NRXN1: variants seen among roughly 807,000 people sequenced by gnomAD.
NRXN1 encodes the protein neurexin 1.
A neutral mutation model predicts 150.9 loss-of-function variants in NRXN1; 39 were observed. The ratio of observed to expected loss-of-function variants is 0.26; its 90% confidence interval spans 0.20 to 0.34. The LOEUF (loss-of-function observed/expected upper bound fraction) is 0.34. NRXN1 is among the 10% of genes least tolerant of loss of function. The probability of loss-of-function intolerance (pLI) is 1.00; values close to 1 mark genes in which losing one functional copy is unlikely to be tolerated. For missense variants in NRXN1, 1,815 were observed against 1,949.9 expected, an observed-to-expected ratio of 0.93 and a Z score of 1.30; for synonymous variants, 924 against 757.0, an observed-to-expected ratio of 1.22 and a Z score of -3.62.
At chr2:50,565,416 G>T (rs920391059) in intron 8 of NRXN1, among the ~76,000 whole-genome samples, 1 of 151,792 alleles carries the variant, frequency 6.6e-6, no homozygotes, top group African/African-American at 2.4e-5. Flanking sequence ...ATTTTTAAAT[G>T]ACCATAGCAG....
At chr2:50,496,794 T>C (rs2091656113) in intron 14 of NRXN1, among the ~76,000 whole-genome samples, 1 of 152,186 alleles carries the variant, frequency 6.6e-6, no homozygotes, top group African/African-American at 2.4e-5. Context: ...TACACCAATA[T>C]TTGCAGAATG....
intron 5 of NRXN1, among the ~76,000 whole-genome samples, chr2:50,906,985 T>A (rs533604135): frequency 3.3e-5 from 5 of 152,032 alleles, no homozygotes; most frequent in African/African-American, 1.2e-4. Context: ...CTCACACCCC[T>A]CTTTCTCCCC....
chr2:50,789,162 C>T (rs1705579604), intron 5 of NRXN1, among the ~76,000 whole-genome samples: 1 of 152,166 alleles, frequency 6.6e-6, no homozygotes, highest in Admixed American at 6.5e-5. Context: ...CATATTTCTA[C>T]TATATGCATA....
intron 17 of NRXN1, among the ~76,000 whole-genome samples, chr2:50,242,656 GAAGT>G (rs1278679463): frequency 2.0e-4 from 30 of 151,654 alleles, no homozygotes; most frequent in African/African-American, 5.6e-4. Flanking sequence ...CTAATATTGA[GAAGT>G]AAGGCACAGC....
intron 19 of NRXN1, among the ~76,000 whole-genome samples, chr2:50,064,256 A>G (rs1364636890): frequency 1.3e-5 from 2 of 151,736 alleles, no homozygotes; most frequent in Non-Finnish European, 2.9e-5. Flanking sequence ...ATATAAAATG[A>G]CTCAGTAACT....
chr2:50,121,024 G>GT lies in NRXN1; in HGVS notation c.3547-29531dup, dbSNP rs1703779842. ...TTTAAGCACTTTAGTTATCTCGTCTGTTTTTTTGTTTATTTTTTGAGACCG... is the reference window on the plus strand; with the variant it reads ...TTTAAGCACTTTAGTTATCTCGTCTGTTTTTTTTGTTTATTTTTTGAGACCG... On this transcript the variant is annotated intron_variant, in intron 18 of 22. Coordinates refer to ENST00000401669, the MANE Select transcript of NRXN1 (RefSeq NM_001330078.2). Among the ~76,000 whole-genome samples, 5 of 152,180 alleles carry GT rather than the reference G, an allele frequency of 3.3e-5. No homozygotes were observed. The South Asian group carries it at 6.2e-4, about 19-fold the overall frequency.
chr2:50,167,812 A>C (rs2059778920), intron 18 of NRXN1, among the ~76,000 whole-genome samples: 2 of 152,154 alleles, frequency 1.3e-5, no homozygotes, highest in Admixed American at 6.6e-5. Flanking sequence ...TGATAATTTC[A>C]AGAGCTCCCA....
At chr2:50,529,830 A>G (rs1221065753) in intron 11 of NRXN1, among the ~76,000 whole-genome samples, 2 of 152,206 alleles carry the variant, frequency 1.3e-5, no homozygotes, top group East Asian at 3.8e-4. Context: ...CTAACAGAAC[A>G]GTAAAGGAGA....
chr2:50,722,568 T>C (rs904601111), intron 5 of NRXN1, among the ~76,000 whole-genome samples: 3 of 152,116 alleles, frequency 2.0e-5, no homozygotes, highest in African/African-American at 4.8e-5. Context: ...TAAAAATATA[T>C]TGGAAGAGTG....
At chr2:50,867,393 T>C (rs891880894) in intron 5 of NRXN1, among the ~76,000 whole-genome samples, 2 of 151,816 alleles carry the variant, frequency 1.3e-5, no homozygotes, top group Admixed American at 6.6e-5. Flanking sequence ...GTTAGTTCAC[T>C]ACAGGGAAAT....
chr2:50,342,062 C>T (rs1006254799), intron 17 of NRXN1, among the ~76,000 whole-genome samples: 4 of 152,190 alleles, frequency 2.6e-5, no homozygotes, highest in Non-Finnish European at 5.9e-5. Context: ...CCAACCTCAA[C>T]TCTACTCTCA....
intron 17 of NRXN1, among the ~76,000 whole-genome samples, chr2:50,370,899 C>G (rs1442156832): frequency 2.6e-5 from 4 of 151,980 alleles, no homozygotes; most frequent in Admixed American, 6.6e-5. Flanking sequence ...TTACTAAAGA[C>G]AGTCTTGTGT....
intron 12 of NRXN1, among the ~76,000 whole-genome samples, chr2:50,524,513 AAAT>A (rs758171621): frequency 1.3e-4 from 18 of 141,048 alleles, no homozygotes; most frequent in Non-Finnish European, 2.2e-4. Context: ...ATAAATAAAT[AAAT>A]AAATAAAATA....
intron 17 of NRXN1, among the ~76,000 whole-genome samples, chr2:50,243,374 G>A (rs1305233136): frequency 6.6e-6 from 1 of 151,630 alleles, no homozygotes; most frequent in East Asian, 1.9e-4. Context: ...CAAATTGTAT[G>A]TTCTGTCAAA....
chr2:50,589,851 G>A (rs1673827725), intron 8 of NRXN1, among the ~76,000 whole-genome samples: 2 of 152,154 alleles, frequency 1.3e-5, no homozygotes, highest in South Asian at 2.1e-4. Flanking sequence ...ATAGAAGGGA[G>A]GGATCTAACT....
intron 19 of NRXN1, among the ~76,000 whole-genome samples, chr2:50,062,177 T>A (rs1694646115): frequency 6.6e-6 from 1 of 152,184 alleles, no homozygotes; most frequent in Admixed American, 6.5e-5. Context: ...AGACTGAATG[T>A]TTGTATCTCC....
At chr2:50,477,998 T>C (rs758061190) in intron 15 of NRXN1, among the ~76,000 whole-genome samples, 45 of 152,156 alleles carry the variant, frequency 3.0e-4, no homozygotes, top group Non-Finnish European at 2.6e-4. Context: ...AAGGGTGCCT[T>C]TCGGGGAACA....
intron 1 of NRXN1, among the ~76,000 whole-genome samples, chr2:51,031,251 CA>C (rs1024049972): frequency 6.6e-6 from 1 of 152,006 alleles, no homozygotes; most frequent in East Asian, 1.9e-4. Flanking sequence ...TTACTGCAGC[CA>C]AAAGAAGAAG....
chr2:49,964,282 A>C (rs1274863668), intron 21 of NRXN1, among the ~76,000 whole-genome samples: 1 of 152,140 alleles, frequency 6.6e-6, no homozygotes, highest in Non-Finnish European at 1.5e-5. Flanking sequence ...CATAATCACT[A>C]CATCTTCCAT....
Sources: allele counts gnomAD v4.1 joint callset (sites outside exome capture counted in the v4.1 genomes callset), GRCh38; gene constraint gnomAD v4.1.1; transcripts MANE v1.5; gene names NCBI Gene and HGNC (gene_info 2026-07-23, HGNC 2026-07-21).